RABGAP1: variants seen among roughly 807,000 people sequenced by gnomAD.
RABGAP1 encodes RAB GTPase activating protein 1.
A neutral mutation model predicts 137.6 loss-of-function variants in RABGAP1; 23 were observed. The ratio of observed to expected loss-of-function variants is 0.17; its 90% CI spans 0.12 to 0.24. The LOEUF (loss-of-function observed/expected upper bound fraction) is 0.24. Among genes scored for constraint, RABGAP1 ranks in the 10% least tolerant of loss-of-function variants. The probability of loss-of-function intolerance (pLI) is 1.00; values close to 1 mark genes in which losing one functional copy is unlikely to be tolerated. For synonymous variants in RABGAP1, 451 were observed against 450.7 expected, an observed-to-expected ratio of 1.00 and a Z score of -0.01; for missense variants, 906 against 1,275.8, an observed-to-expected ratio of 0.71 and a Z score of 4.42.
At chr9:123,101,880 A>G (rs2035356866) in intron 25 of RABGAP1, 117 bp downstream of exon 25, 1 of 1,107,588 alleles carries the variant, frequency 9.0e-7, no homozygotes, top group African/African-American at 1.6e-5. Flanking sequence ...AACTTTGGTC[A>G]CAGTTGTCAT....
At chr9:123,022,812 G>A (rs539804669) in intron 13 of RABGAP1, among the ~76,000 whole-genome samples, 70 of 152,118 alleles carry the variant, frequency 4.6e-4, no homozygotes, top group Non-Finnish European at 6.8e-4. Flanking sequence ...AAATGTCAGT[G>A]ATAGCTAACG....
chr9:123,020,554 TATTA>T, intron 13 of RABGAP1, 95 bp downstream of exon 13: 1 of 1,195,338 alleles, frequency 8.4e-7, no homozygotes, highest in Non-Finnish European at 1.1e-6. Context: ...AAGTGTTTAT[TATTA>T]ATTTATTTAA....
At chr9:122,941,968 G>C (rs1833597854) in intron 1 of RABGAP1, among the ~76,000 whole-genome samples, 1 of 152,200 alleles carries the variant, frequency 6.6e-6, no homozygotes, top group African/African-American at 2.4e-5. Context: ...CTAGTGCTCC[G>C]TTAGTTTTAA....
intron 13 of RABGAP1, chr9:123,035,511 A>G: frequency 6.2e-7 from 1 of 1,613,800 alleles, no homozygotes; most frequent in Non-Finnish European, 8.5e-7. Flanking sequence ...AAAGAGGACT[A>G]AAGCGCCTCT....
intron 13 of RABGAP1, among the ~76,000 whole-genome samples, chr9:123,055,347 C>T (rs2033648320): frequency 6.6e-6 from 1 of 151,834 alleles, no homozygotes; most frequent in Non-Finnish European, 1.5e-5. Context: ...GCTGCCATGC[C>T]TAGTTAATTT....
intron 6 of RABGAP1, 49 bp from the exon 7 acceptor site, chr9:122,995,992 T>C (rs1273234157): frequency 1.3e-6 from 2 of 1,546,954 alleles, no homozygotes; most frequent in East Asian, 4.7e-5. Context: ...GGTTCTAGTA[T>C]GTGACAAGAA....
At chr9:123,049,290 T>TTTTGTTG (rs2033356025) in intron 13 of RABGAP1, among the ~76,000 whole-genome samples, 1 of 152,134 alleles carries the variant, frequency 6.6e-6, no homozygotes, top group South Asian at 2.1e-4. Context: ...TATGGTGTTT[T>TTTTGTTG]TTGTTGTTGT....
At chr9:122,935,987 A>C (rs1161428904), upstream of RABGAP1, among the ~76,000 whole-genome samples, 1 of 150,744 alleles carries the variant, frequency 6.6e-6, no homozygotes. Context: ...GCCTCTGAGG[A>C]TTCTTTATTG....
chr9:122,941,318 G>A (rs1041285544), intron 1 of RABGAP1, among the ~76,000 whole-genome samples: 36 of 152,236 alleles, frequency 2.4e-4, no homozygotes, highest in African/African-American at 8.4e-4. Flanking sequence ...AGGCTGGGCC[G>A]CTCTGGGAGC....
chr9:123,075,479 T>G, intron 17 of RABGAP1, among the ~76,000 whole-genome samples: 1 of 152,208 alleles, frequency 6.6e-6, no homozygotes, highest in East Asian at 1.9e-4. Flanking sequence ...CTTGAAATAT[T>G]CTAAGAAACA....
At position 123,035,700 on chromosome 9, in the gene RABGAP1, T is replaced by A. The variant is rs573765298; in HGVS notation, c.1794+15241T>A. 35 of 851,984 alleles carry A rather than the reference T, an allele frequency of 4.1e-5. No homozygotes were observed. In the South Asian group the frequency reaches 5.9e-4, roughly 14 times the overall value. 52.8% of individuals were successfully genotyped at this position (851,984 alleles called of 1,614,324 possible). ...TGTGTGTGTATTTTATCTCTAAGTA[T>A]TCCTAATTCACTAGGAAATCTGGGA... On this transcript the variant is annotated intron_variant, in intron 13 of 25. Coordinates refer to ENST00000373647, the MANE Select transcript of RABGAP1 (RefSeq NM_012197.4).
upstream of RABGAP1, chr9:122,939,800 C>A (rs749356130): frequency 8.5e-5 from 13 of 152,168 alleles, no homozygotes; most frequent in Non-Finnish European, 1.5e-4. Flanking sequence ...CAGGGGTACA[C>A]CCACATCTAT....
At chr9:123,085,663 C>T (rs762153306) in intron 19 of RABGAP1, among the ~76,000 whole-genome samples, 2 of 152,068 alleles carry the variant, frequency 1.3e-5, no homozygotes, top group Admixed American at 6.6e-5. Flanking sequence ...CCTTGCTTCC[C>T]GAATTCAATT....
rs565134049 is a variant in RABGAP1, at chr9:122,997,473, C to T, written c.1204+112C>T. On this transcript the variant is annotated intron_variant, in intron 9 of 25. Transcript: ENST00000373647. ...AGTGTTTACCTAATTTTGATGAAAC[C>T]GAAGAATTTGAATAGTTCTTCACTT... is the stretch of plus-strand genomic sequence containing the variant. 1.8e-4 allele frequency: 117 copies of T among 637,894 alleles called. No homozygotes were observed. In the Middle Eastern group the frequency reaches 3.1e-3, roughly 17 times the overall value. The allele number at this position is 637,894 out of a possible 1,614,324, so 39.5% of individuals were successfully genotyped here.
At chr9:123,084,087 TCTGTGATATGATAAGTATCAC>T (rs1271026411) in intron 19 of RABGAP1, among the ~76,000 whole-genome samples, 1 of 152,226 alleles carries the variant, frequency 6.6e-6, no homozygotes, top group Non-Finnish European at 1.5e-5. Context: ...ATGTGAGCCA[TCTGTGATATGATAAGTATCAC>T]CTGTGATATG....
At chr9:122,947,774 A>G (rs2131591050) in intron 1 of RABGAP1, among the ~76,000 whole-genome samples, 1 of 152,312 alleles carries the variant, frequency 6.6e-6, no homozygotes, top group Non-Finnish European at 1.5e-5. Flanking sequence ...TTTTTAACGT[A>G]ACCTGAAATT....
At chr9:123,099,666 C>T in intron 24 of RABGAP1, 117 bp downstream of exon 24, 2 of 808,954 alleles carry the variant, frequency 2.5e-6, no homozygotes, top group South Asian at 3.3e-5. Context: ...AGCAATAAGG[C>T]ACCTGTCACA....
At chr9:122,961,389 C>CA (rs1022393832) in intron 2 of RABGAP1, among the ~76,000 whole-genome samples, 24 of 151,972 alleles carry the variant, frequency 1.6e-4, no homozygotes, top group African/African-American at 5.3e-4. Flanking sequence ...GCACTTAAAC[C>CA]AAAAAAACTG....
chr9:122,942,807 C>T (rs755280897), intron 1 of RABGAP1, among the ~76,000 whole-genome samples: 92 of 151,110 alleles, frequency 6.1e-4, no homozygotes, highest in Non-Finnish European at 5.2e-4. Context: ...ATTTAAAATT[C>T]ATATGTAATT....
Sources: allele counts gnomAD v4.1 joint callset (sites outside exome capture counted in the v4.1 genomes callset), GRCh38; gene constraint gnomAD v4.1.1; transcripts MANE v1.5; gene names NCBI Gene and HGNC (gene_info 2026-07-23, HGNC 2026-07-21).